Variants in CAMK1D observed in about 807,000 individuals in gnomAD.
CAMK1D encodes calcium/calmodulin dependent protein kinase ID, also known as calcium/calmodulin-dependent protein kinase type 1D.
In CAMK1D, 9 loss-of-function variants were observed where a neutral mutation model predicts 47.7. The ratio of observed to expected loss-of-function variants is 0.19; its 90% CI spans 0.11 to 0.33. The LOEUF (loss-of-function observed/expected upper bound fraction) is 0.33, where lower values mean the gene tolerates loss of function less well. CAMK1D is among the 10% of genes least tolerant of loss of function. The pLI is 1.00. For synonymous variants in CAMK1D, 184 were observed against 184.9 expected, an observed-to-expected ratio of 0.99 and a Z score of 0.04; for missense variants, 291 against 488.7, an observed-to-expected ratio of 0.60 and a Z score of 3.81.
chr10:12,730,469 A>G (rs1834839011), intron 3 of CAMK1D, among the ~76,000 whole-genome samples: 1 of 152,192 alleles, frequency 6.6e-6, no homozygotes, highest in Admixed American at 6.5e-5. Context: ...AGGCCGTTGG[A>G]TATATTTAGG....
intron 3 of CAMK1D, among the ~76,000 whole-genome samples, chr10:12,740,882 T>C (rs1835396921): frequency 6.6e-6 from 1 of 152,178 alleles, no homozygotes; most frequent in Admixed American, 6.5e-5. Flanking sequence ...GCACCACCAA[T>C]ATTCATCTCA....
chr10:12,576,361 G>A (rs1837488567), intron 2 of CAMK1D, among the ~76,000 whole-genome samples: 1 of 152,140 alleles, frequency 6.6e-6, no homozygotes, highest in Admixed American at 6.5e-5. Flanking sequence ...TTGGAACCAG[G>A]GATTGCCTAC....
intron 1 of CAMK1D, among the ~76,000 whole-genome samples, chr10:12,500,529 C>T (rs962441638): frequency 1.3e-5 from 2 of 152,154 alleles, no homozygotes; most frequent in Non-Finnish European, 2.9e-5. Flanking sequence ...GGCTGGGTGT[C>T]ATGCCATTCC....
intron 2 of CAMK1D, among the ~76,000 whole-genome samples, chr10:12,581,722 CTTTTTGATGGGATTGTATT>C (rs1837669955): frequency 6.6e-6 from 1 of 152,094 alleles, no homozygotes; most frequent in East Asian, 1.9e-4. Context: ...CCTTAGCCCA[CTTTTTGATGGGATTGTATT>C]TCTTTGTTGC....
intron 2 of CAMK1D, among the ~76,000 whole-genome samples, chr10:12,597,339 T>C (rs1838174324): frequency 1.3e-5 from 2 of 152,166 alleles, no homozygotes; most frequent in Non-Finnish European, 2.9e-5. Context: ...AACTTGACAT[T>C]GAACTTCCAG....
intron 2 of CAMK1D, among the ~76,000 whole-genome samples, chr10:12,558,597 C>T (rs1038731089): frequency 3.3e-5 from 5 of 151,566 alleles, no homozygotes; most frequent in African/African-American, 1.2e-4. Context: ...ACTTAAAGTA[C>T]TTTTGCAGGA....
intron 1 of CAMK1D, among the ~76,000 whole-genome samples, chr10:12,431,477 GAGTC>G (rs749182914): frequency 1.4e-4 from 21 of 152,200 alleles, no homozygotes; most frequent in Admixed American, 2.6e-4. Context: ...GACTCCAAGA[GAGTC>G]AGTTATGTGC....
intron 3 of CAMK1D, among the ~76,000 whole-genome samples, chr10:12,710,741 A>G (rs1833906716): frequency 6.6e-6 from 1 of 152,148 alleles, no homozygotes; most frequent in African/African-American, 2.4e-5. Context: ...AAAGACCTAC[A>G]CTGTATTCCA....
chr10:12,742,222 A>T (rs1227789482), intron 3 of CAMK1D, among the ~76,000 whole-genome samples: 1 of 152,190 alleles, frequency 6.6e-6, no homozygotes, highest in Non-Finnish European at 1.5e-5. Flanking sequence ...CACAGCCTCA[A>T]ACTCCTGGGC....
chr10:12,441,858 C>CT (rs1227748317), intron 1 of CAMK1D, among the ~76,000 whole-genome samples: 1 of 152,150 alleles, frequency 6.6e-6, no homozygotes, highest in Non-Finnish European at 1.5e-5. Context: ...CTTACCTTTT[C>CT]TTTTTATATT....
At chr10:12,583,610 T>TA (rs1453632890) in intron 2 of CAMK1D, among the ~76,000 whole-genome samples, 3 of 150,926 alleles carry the variant, frequency 2.0e-5, no homozygotes, top group African/African-American at 7.3e-5. Context: ...GTTTTATTTT[T>TA]TTTTTTTTTT....
intron 2 of CAMK1D, among the ~76,000 whole-genome samples, chr10:12,615,937 C>T (rs2132424110): frequency 6.7e-6 from 1 of 148,292 alleles, no homozygotes; most frequent in South Asian, 2.2e-4. Flanking sequence ...TGTGTGTTTG[C>T]AAGTGTGTTG....
At chr10:12,673,575 A>ATT (rs1840699949) in intron 3 of CAMK1D, among the ~76,000 whole-genome samples, 1 of 152,284 alleles carries the variant, frequency 6.6e-6, no homozygotes, top group South Asian at 2.1e-4. Context: ...GTCGTCTGAA[A>ATT]TTTACATTAA....
intron 3 of CAMK1D, among the ~76,000 whole-genome samples, chr10:12,730,009 AT>A (rs1348161515): frequency 6.6e-6 from 1 of 152,040 alleles, no homozygotes; most frequent in Non-Finnish European, 1.5e-5. Flanking sequence ...CCGCTGGGAG[AT>A]TTGGACAGAG....
At chr10:12,433,747 A>G (rs1832552854) in intron 1 of CAMK1D, among the ~76,000 whole-genome samples, 1 of 152,260 alleles carries the variant, frequency 6.6e-6, no homozygotes, top group African/African-American at 2.4e-5. Flanking sequence ...CCTGCCAGAT[A>G]GCCACGTGCT....
At chr10:12,548,447 CTTTTTTTTTTT>C (rs35061502) in intron 1 of CAMK1D, among the ~76,000 whole-genome samples, 2 of 81,186 alleles carry the variant, frequency 2.5e-5, no homozygotes, top group Non-Finnish European at 4.6e-5. Flanking sequence ...CCATTTTAAG[CTTTTTTTTTTT>C]TTTTTTTTTT....
chr10:12,402,922 A>C (rs1020593036), intron 1 of CAMK1D, among the ~76,000 whole-genome samples: 4 of 152,078 alleles, frequency 2.6e-5, no homozygotes, highest in African/African-American at 9.7e-5. Flanking sequence ...CGTGGATTGG[A>C]GAGACCTCAG....
chr10:12,664,207 A>G (rs541312815), intron 2 of CAMK1D, among the ~76,000 whole-genome samples: 3 of 152,174 alleles, frequency 2.0e-5, no homozygotes, highest in Admixed American at 1.3e-4. Flanking sequence ...AAGCTTTTTG[A>G]TAGCAAAACT....
chr10:12,553,115 C>G lies in CAMK1D; in HGVS notation c.93-110C>G, dbSNP rs1343780905. 5.7e-6 allele frequency: 9 copies of G among 1,571,374 alleles called. No homozygotes were observed. The Admixed American group carries it at 1.6e-4, about 28-fold the overall frequency. On this transcript the variant is annotated intron_variant, in intron 1 of 10. Transcript: ENST00000619168. ...TGGATAAAAGTAACAGTAATGCTTA[C>G]AACTGTGCCGTCGTTATTGTTTACT...
Sources: gnomAD v4.1 joint callset for allele counts (sites outside exome capture counted in the v4.1 genomes callset) on GRCh38, gnomAD v4.1.1 for gene constraint, MANE v1.5 for transcripts, NCBI Gene and HGNC (gene_info 2026-07-23, HGNC 2026-07-21) for gene names.